RIMS1: variants seen among roughly 807,000 people sequenced by gnomAD.
The protein encoded by RIMS1 is regulating synaptic membrane exocytosis 1, also known as regulating synaptic membrane exocytosis protein 1.
RIMS1 carries 83 observed loss-of-function variants against 214.1 expected under a neutral mutation model. That is an observed-to-expected ratio of 0.39 (90% CI 0.32 to 0.47). The LOEUF is 0.47. Among genes scored for constraint, RIMS1 ranks in the 20% least tolerant of loss-of-function variants. The pLI is 0.99. For missense variants in RIMS1, 2,050 were observed against 2,161.8 expected (o/e 0.95, Z 1.03); for synonymous variants, 793 against 786.8 (o/e 1.01, Z -0.13).
At chr6:72,292,321 A>C (rs1282250075) in intron 26 of RIMS1, among the ~76,000 whole-genome samples, 2 of 152,162 alleles carry the variant, frequency 1.3e-5, no homozygotes, top group Non-Finnish European at 2.9e-5. Flanking sequence ...CCAAAGTGAC[A>C]AAGGAAAAAA....
intron 2 of RIMS1, among the ~76,000 whole-genome samples, chr6:71,994,487 A>C (rs767396294): frequency 6.6e-6 from 1 of 152,192 alleles, no homozygotes; most frequent in Non-Finnish European, 1.5e-5. Flanking sequence ...GGTATAAGGC[A>C]TTTTAAGAGC....
At chr6:72,110,441 G>A (rs1243293458) in intron 4 of RIMS1, among the ~76,000 whole-genome samples, 3 of 150,274 alleles carry the variant, frequency 2.0e-5, no homozygotes, top group Non-Finnish European at 4.4e-5. Context: ...TGGATTCCTA[G>A]GTATTTTATT....
intron 4 of RIMS1, among the ~76,000 whole-genome samples, chr6:72,164,079 C>A (rs2045895124): frequency 6.6e-6 from 1 of 152,192 alleles, no homozygotes; most frequent in Non-Finnish European, 1.5e-5. Flanking sequence ...CATACTCAAG[C>A]CTTGGCAATG....
intron 1 of RIMS1, among the ~76,000 whole-genome samples, chr6:71,920,224 C>T (rs1562196614): frequency 6.6e-6 from 1 of 152,064 alleles, no homozygotes; most frequent in Non-Finnish European, 1.5e-5. Flanking sequence ...ATCAGTTGCA[C>T]TAAAATGCAA....
chr6:71,999,572 G>A (rs1584520135), intron 2 of RIMS1, among the ~76,000 whole-genome samples: 1 of 152,080 alleles, frequency 6.6e-6, no homozygotes, highest in Non-Finnish European at 1.5e-5. Flanking sequence ...ACCTTGGATG[G>A]TTTTAATAGT....
chr6:72,060,042 G>A (rs899956865), intron 2 of RIMS1, among the ~76,000 whole-genome samples: 4 of 151,848 alleles, frequency 2.6e-5, no homozygotes, highest in Admixed American at 6.6e-5. Flanking sequence ...GGGTTCAAGC[G>A]ATTCTCCTGC....
rs187137410 is a variant in RIMS1 at position 72,306,254 on chromosome 6, C to G, written c.3851-1004C>G. ...TTCCATACACACACACACGCATGCT[C>G]ACACACACACACACACAGCCCTACA... On this transcript the variant is annotated intron_variant, in intron 26 of 33. Transcript: ENST00000521978. Among the ~76,000 whole-genome samples the G allele has an allele frequency of 1.3e-4, 19 of 144,852 alleles. No individual in the cohort carries two copies. In the East Asian group the frequency reaches 3.7e-3, roughly 28 times the overall value.
chr6:72,383,941 T>C (rs34427805), intron 29 of RIMS1, among the ~76,000 whole-genome samples: 1 of 152,238 alleles, frequency 6.6e-6, no homozygotes, highest in South Asian at 2.1e-4. Context: ...TTTGTTTTTG[T>C]GAGTTAACAA....
chr6:72,296,249 T>A (rs1350306398), intron 26 of RIMS1, among the ~76,000 whole-genome samples: 1 of 151,972 alleles, frequency 6.6e-6, no homozygotes, highest in African/African-American at 2.4e-5. Flanking sequence ...AAAACAATTC[T>A]CCTAGGAAAA....
intron 1 of RIMS1, among the ~76,000 whole-genome samples, chr6:71,901,226 C>T (rs1773505146): frequency 6.6e-6 from 1 of 150,876 alleles, no homozygotes; most frequent in Non-Finnish European, 1.5e-5. Context: ...GTTTAGCGTG[C>T]ATCTACACTA....
intron 2 of RIMS1, among the ~76,000 whole-genome samples, chr6:72,073,561 A>G (rs567624351): frequency 9.8e-5 from 15 of 152,346 alleles, no homozygotes; most frequent in Admixed American, 7.2e-4. Context: ...TTTCTTTCAC[A>G]TGAAACTTAA....
chr6:72,109,074 C>T (rs912802558), intron 4 of RIMS1, among the ~76,000 whole-genome samples: 22 of 152,030 alleles, frequency 1.4e-4, no homozygotes, highest in African/African-American at 5.1e-4. Context: ...TGTATATGGG[C>T]CACATTTTCT....
chr6:71,911,574 T>C lies in RIMS1; in HGVS notation c.164+24387T>C, dbSNP rs576707844. Among the ~76,000 whole-genome samples the C allele has an allele frequency of 4.6e-5, 7 of 152,278 alleles. No homozygotes were observed. The East Asian group carries it at 1.2e-3, about 25-fold the overall frequency. ...CCCTTGGTGGATTTAGCACTGGAAA[T>C]ATAAACATTCATTTAAATGAAGTAT... On this transcript the variant is annotated intron_variant, in intron 1 of 33. Transcript: ENST00000521978.
chr6:72,109,120 T>C (rs1056846031), intron 4 of RIMS1, among the ~76,000 whole-genome samples: 8 of 152,136 alleles, frequency 5.3e-5, no homozygotes, highest in African/African-American at 1.2e-4. Flanking sequence ...TTTGGGTTGG[T>C]TCCAAGTCTT....
At chr6:72,305,396 C>T (rs1318945269) in intron 26 of RIMS1, among the ~76,000 whole-genome samples, 1 of 151,952 alleles carries the variant, frequency 6.6e-6, no homozygotes, top group Non-Finnish European at 1.5e-5. Context: ...AAGCTAACAC[C>T]ATTTAAGTCT....
chr6:72,185,840 C>T (rs2049018933), intron 6 of RIMS1, among the ~76,000 whole-genome samples: 2 of 152,242 alleles, frequency 1.3e-5, no homozygotes. Flanking sequence ...TCCTCCACCT[C>T]TTTTGCCTCT....
In RIMS1 at chr6:72,286,976, T is replaced by A. The variant is rs533523899; in HGVS notation, c.3554+2858T>A. Among the ~76,000 whole-genome samples, 29 of 152,372 alleles carry A rather than the reference T, an allele frequency of 1.9e-4. No individual in the cohort carries two copies. In the East Asian group the frequency reaches 5.4e-3, roughly 28 times the overall value. On this transcript the variant is annotated intron_variant, in intron 24 of 33. Coordinates refer to ENST00000521978, the MANE Select transcript of RIMS1 (RefSeq NM_014989.7). ...GACAAGTAGAACTGATTTATATTTTTTGTGTCAAGCCACTTAAAGAAATGT... is the reference window on the plus strand; with the variant it reads ...GACAAGTAGAACTGATTTATATTTTATGTGTCAAGCCACTTAAAGAAATGT...
chr6:72,312,863 A>G (rs1400660548), intron 27 of RIMS1, among the ~76,000 whole-genome samples: 1 of 152,220 alleles, frequency 6.6e-6, no homozygotes, highest in African/African-American at 2.4e-5. Flanking sequence ...AACTATATAC[A>G]GGTGGAAGCA....
At chr6:72,372,690 A>T (rs1422390417) in intron 29 of RIMS1, among the ~76,000 whole-genome samples, 2 of 152,246 alleles carry the variant, frequency 1.3e-5, no homozygotes, top group African/African-American at 4.8e-5. Context: ...TGTTTCTAAG[A>T]ACATCGGAAA....
Sources: allele counts gnomAD v4.1 joint callset (sites outside exome capture counted in the v4.1 genomes callset), GRCh38; gene constraint gnomAD v4.1.1; transcripts MANE v1.5; gene names NCBI Gene and HGNC (gene_info 2026-07-23, HGNC 2026-07-21).